CSMD3: variants seen among roughly 807,000 people sequenced by gnomAD.
The protein encoded by CSMD3 is CUB and Sushi multiple domains 3, also known as CUB and sushi domain-containing protein 3.
Under a neutral mutation model 435.2 loss-of-function variants are expected in CSMD3, and 177 were observed. That is an observed-to-expected ratio of 0.41 (90% CI 0.36 to 0.46). The LOEUF is 0.46. CSMD3 is among the 20% of genes least tolerant of loss of function. The probability of loss-of-function intolerance (pLI) is 0.34; values close to 1 mark genes in which losing one functional copy is unlikely to be tolerated. For missense variants in CSMD3, 4,265 were observed against 4,504.6 expected, an observed-to-expected ratio of 0.95 and a Z score of 1.52; for synonymous variants, 1,656 against 1,520.5, an observed-to-expected ratio of 1.09 and a Z score of -2.07.
intron 32 of CSMD3, among the ~76,000 whole-genome samples, chr8:112,432,258 T>G (rs918333669): frequency 6.6e-6 from 1 of 152,170 alleles, no homozygotes; most frequent in Non-Finnish European, 1.5e-5. Context: ...ACACGGAAGA[T>G]TGCACAAACT....
intron 10 of CSMD3, among the ~76,000 whole-genome samples, chr8:112,888,845 A>C (rs1405910034): frequency 1.3e-5 from 2 of 151,590 alleles, no homozygotes; most frequent in African/African-American, 2.4e-5. Flanking sequence ...AGGCATGATG[A>C]GGTGCACCTG....
chr8:113,053,931 C>T (rs1456261163), intron 5 of CSMD3, among the ~76,000 whole-genome samples: 1 of 152,120 alleles, frequency 6.6e-6, no homozygotes, highest in Admixed American at 6.6e-5. Flanking sequence ...GTTATTTTCT[C>T]CAGCAAAACT....
At chr8:113,310,744 T>C (rs1240005436) in intron 2 of CSMD3, 1 of 151,878 alleles carries the variant, frequency 6.6e-6, no homozygotes, top group Non-Finnish European at 1.5e-5. Flanking sequence ...AAGAATATTA[T>C]TTGCTTCTGA....
chr8:112,719,922 C>T (rs2131962963), intron 13 of CSMD3, among the ~76,000 whole-genome samples: 1 of 152,262 alleles, frequency 6.6e-6, no homozygotes, highest in South Asian at 2.1e-4. Context: ...CAACTAGACT[C>T]CTAACTGTGG....
chr8:113,019,571 A>G (rs962589047), intron 5 of CSMD3, among the ~76,000 whole-genome samples: 1 of 149,002 alleles, frequency 6.7e-6, no homozygotes, highest in African/African-American at 2.4e-5. Context: ...TATTATATAT[A>G]TTGTATTCTT....
intron 5 of CSMD3, among the ~76,000 whole-genome samples, chr8:113,021,117 C>A (rs1050740332): frequency 6.6e-6 from 1 of 151,960 alleles, no homozygotes; most frequent in Non-Finnish European, 1.5e-5. Flanking sequence ...GTGCATTTTC[C>A]GTAATGTTTC....
chr8:112,568,842 A>AT (rs1271275464), intron 24 of CSMD3, among the ~76,000 whole-genome samples: 1 of 152,006 alleles, frequency 6.6e-6, no homozygotes, highest in Admixed American at 6.6e-5. Flanking sequence ...CTTTAACCTA[A>AT]TTTTTTTAAT....
At position 112,311,184 on chromosome 8, in the gene CSMD3, A is replaced by T. The variant is rs1272467286; in HGVS notation, c.7697-18T>A. The T allele has an allele frequency of 1.9e-6, 3 of 1,602,072 alleles. No homozygotes were observed. Among genetic ancestry groups the T allele is most frequent in the African/African-American group, 2.7e-5 (2 of 74,796 alleles). On this transcript the variant is annotated intron_variant, in intron 49 of 70. Coordinates refer to ENST00000297405, the MANE Select transcript of CSMD3 (RefSeq NM_198123.2). ...GTAGAAAGCTTTTCAAAAGAAAAAAAAAATGCTGTTTAATTAATGAATCAG... is the reference window on the plus strand; with the variant it reads ...GTAGAAAGCTTTTCAAAAGAAAAAATAAATGCTGTTTAATTAATGAATCAG...
intron 59 of CSMD3, among the ~76,000 whole-genome samples, chr8:112,270,698 A>G (rs1051504657): frequency 2.0e-5 from 3 of 152,116 alleles, no homozygotes; most frequent in Non-Finnish European, 4.4e-5. Flanking sequence ...CTTTGTTTTT[A>G]AAGGTTTTTG....
intron 1 of CSMD3, among the ~76,000 whole-genome samples, chr8:113,412,950 C>T (rs575068169): frequency 3.3e-5 from 5 of 151,998 alleles, no homozygotes; most frequent in African/African-American, 7.2e-5. Context: ...ATCACAAATA[C>T]GAGTGAAGAA....
intron 36 of CSMD3, among the ~76,000 whole-genome samples, chr8:112,386,472 C>T (rs1829959218): frequency 6.6e-6 from 1 of 152,030 alleles, no homozygotes; most frequent in Non-Finnish European, 1.5e-5. Context: ...CTCACTATGA[C>T]AGAAGACACA....
chr8:112,468,681 T>A (rs1393597364), intron 32 of CSMD3, among the ~76,000 whole-genome samples: 1 of 151,952 alleles, frequency 6.6e-6, no homozygotes, highest in African/African-American at 2.4e-5. Flanking sequence ...CTTAGGCAAC[T>A]AAACCATAAG....
chr8:112,700,696 A>C (rs2076371340), intron 13 of CSMD3, among the ~76,000 whole-genome samples: 1 of 152,118 alleles, frequency 6.6e-6, no homozygotes, highest in Non-Finnish European at 1.5e-5. Flanking sequence ...CAGAACAACC[A>C]TGGTAACAGT....
chr8:113,366,270 G>T (rs557102418), intron 1 of CSMD3, among the ~76,000 whole-genome samples: 97 of 151,920 alleles, frequency 6.4e-4, no homozygotes, highest in Non-Finnish European at 1.1e-3. Context: ...GCCCTCTGAG[G>T]GTTTATTCAC....
At chr8:113,390,931 G>C (rs2094458810) in intron 1 of CSMD3, among the ~76,000 whole-genome samples, 1 of 151,880 alleles carries the variant, frequency 6.6e-6, no homozygotes, top group Non-Finnish European at 1.5e-5. Context: ...ATTTCTAACT[G>C]TTATCTCAAT....
intron 29 of CSMD3, 80 bp from the exon 30 acceptor site, chr8:112,504,057 A>G (rs1354545101): frequency 9.3e-6 from 8 of 857,418 alleles, no homozygotes; most frequent in Non-Finnish European, 1.1e-5. Context: ...TAATAGTTAT[A>G]TAATCAAACA....
At chr8:112,937,909 A>G (rs2083335386) in intron 9 of CSMD3, among the ~76,000 whole-genome samples, 1 of 152,176 alleles carries the variant, frequency 6.6e-6, no homozygotes, top group Non-Finnish European at 1.5e-5. Context: ...GCATTCAAAA[A>G]TAGAATAAAT....
chr8:113,247,354 G>C (rs2093286542), intron 3 of CSMD3, among the ~76,000 whole-genome samples: 2 of 152,230 alleles, frequency 1.3e-5, no homozygotes, highest in South Asian at 4.2e-4. Context: ...CTGAGGATGG[G>C]CCTTTTTGAT....
chr8:112,524,168 C>CAT (rs1009218871), intron 27 of CSMD3, among the ~76,000 whole-genome samples: 1 of 151,838 alleles, frequency 6.6e-6, no homozygotes, highest in Non-Finnish European at 1.5e-5. Context: ...CATATCATAT[C>CAT]ATATCATATA....
Sources: gnomAD v4.1 joint callset for allele counts (sites outside exome capture counted in the v4.1 genomes callset) on GRCh38, gnomAD v4.1.1 for gene constraint, MANE v1.5 for transcripts, NCBI Gene and HGNC (gene_info 2026-07-23, HGNC 2026-07-21) for gene names.